Variants in OSBPL6 observed in about 807,000 individuals in gnomAD.
OSBPL6 encodes the protein oxysterol-binding protein-related protein 6.
A neutral mutation model predicts 125.8 loss-of-function variants in OSBPL6; 49 were observed. That is an observed-to-expected ratio of 0.39 (90% CI 0.31 to 0.49). OSBPL6 has a LOEUF of 0.49. Ranked by LOEUF, OSBPL6 falls within the 20% of genes least tolerant of loss-of-function variation. OSBPL6 has a pLI of 0.88. For synonymous variants in OSBPL6, 394 were observed against 391.8 expected (o/e 1.01, Z -0.07); for missense variants, 986 against 1,135.4 (o/e 0.87, Z 1.89).
chr2:178,287,104 C>T (rs1036631236), intron 2 of OSBPL6, among the ~76,000 whole-genome samples: 3 of 147,382 alleles, frequency 2.0e-5, no homozygotes, highest in African/African-American at 5.0e-5. Flanking sequence ...CTAAACTCAA[C>T]GTGGGGAAAC....
At chr2:178,366,479 A>G (rs1047876382) in intron 13 of OSBPL6, among the ~76,000 whole-genome samples, 2 of 152,296 alleles carry the variant, frequency 1.3e-5, no homozygotes, top group Non-Finnish European at 2.9e-5. Flanking sequence ...TCAAGATGCC[A>G]TCAATTATTA....
chr2:178,333,304 G>C (rs1689394185), intron 8 of OSBPL6, among the ~76,000 whole-genome samples: 1 of 152,202 alleles, frequency 6.6e-6, no homozygotes, highest in Admixed American at 6.5e-5. Flanking sequence ...AAAATTGCTT[G>C]AACCTGGGAG....
chr2:178,266,355 G>C (rs1201099945), intron 1 of OSBPL6, among the ~76,000 whole-genome samples: 1 of 152,194 alleles, frequency 6.6e-6, no homozygotes, highest in African/African-American at 2.4e-5. Flanking sequence ...ATTGCACCCA[G>C]GATGATACCT....
chr2:178,282,522 C>T (rs1026222860), intron 1 of OSBPL6, among the ~76,000 whole-genome samples: 1 of 152,198 alleles, frequency 6.6e-6, no homozygotes, highest in Admixed American at 6.5e-5. Context: ...AAAAGAGCTG[C>T]AGGATAGCAC....
intron 1 of OSBPL6, among the ~76,000 whole-genome samples, chr2:178,234,562 A>G (rs1027940510): frequency 2.0e-5 from 3 of 152,236 alleles, no homozygotes; most frequent in African/African-American, 7.2e-5. Flanking sequence ...ATAGTACAGT[A>G]TCAAAACCCT....
intron 1 of OSBPL6, among the ~76,000 whole-genome samples, chr2:178,243,988 C>T (rs1385500440): frequency 6.6e-6 from 1 of 152,158 alleles, no homozygotes; most frequent in Non-Finnish European, 1.5e-5. Flanking sequence ...GATCCTTTTT[C>T]TGCTCTGTTT....
chr2:178,209,606 A>G (rs560243352), intron 1 of OSBPL6, among the ~76,000 whole-genome samples: 1 of 151,430 alleles, frequency 6.6e-6, no homozygotes, highest in South Asian at 2.1e-4. Context: ...TTCATGTTTG[A>G]GTTTTTCCTC....
intron 1 of OSBPL6, among the ~76,000 whole-genome samples, chr2:178,229,846 A>G (rs1274050190): frequency 6.6e-6 from 1 of 152,220 alleles, no homozygotes; most frequent in Admixed American, 6.5e-5. Flanking sequence ...AAAAGGAAAG[A>G]AAAAGAAAAA....
At chr2:178,263,410 G>A (rs908073403) in intron 1 of OSBPL6, among the ~76,000 whole-genome samples, 15 of 152,196 alleles carry the variant, frequency 9.9e-5, no homozygotes, top group African/African-American at 2.2e-4. Context: ...CCTGGAAGGC[G>A]GAGGTTGCAG....
chr2:178,317,087 T>G (rs941140569), intron 3 of OSBPL6, among the ~76,000 whole-genome samples: 3 of 152,106 alleles, frequency 2.0e-5, no homozygotes, highest in African/African-American at 7.2e-5. Context: ...CCCCCAAAAT[T>G]TCTGCAAAGA....
At chr2:178,227,606 A>C (rs1383675862) in intron 1 of OSBPL6, among the ~76,000 whole-genome samples, 1 of 152,238 alleles carries the variant, frequency 6.6e-6, no homozygotes, top group Non-Finnish European at 1.5e-5. Flanking sequence ...AATGGAATAC[A>C]TGCCAAAATC....
intron 15 of OSBPL6, among the ~76,000 whole-genome samples, chr2:178,380,409 A>T (rs1694352564): frequency 7.7e-6 from 1 of 129,212 alleles, no homozygotes; most frequent in South Asian, 2.8e-4. Context: ...GTGAGCTGTG[A>T]TGGTACCACT....
chr2:178,383,267 A>C lies in OSBPL6; in HGVS notation c.1865A>C (p.Tyr622Ser), dbSNP rs1400818333. The change falls in exon 17 of 25, where the codon TAT becomes TCT. Residue 622 changes from tyrosine to serine, a missense_variant. Transcript: ENST00000190611. ...AAGGCTTCGGAAACTGATGATCCAT[A>C]TGAGCGCATGGTAATAAATAACTAA... is the stretch of plus-strand genomic sequence containing the variant. ...LDKASETDDPYERMVLVAAFA... is the reference protein window; with the variant it reads ...LDKASETDDPSERMVLVAAFA... The C allele has an allele frequency of 6.2e-7, 1 of 1,614,070 alleles. No individual in the cohort carries two copies. The highest frequency in any genetic ancestry group is 1.1e-5 in the South Asian group (1 of 91,076).
At chr2:178,254,105 T>G (rs1457599478) in intron 1 of OSBPL6, among the ~76,000 whole-genome samples, 1 of 152,058 alleles carries the variant, frequency 6.6e-6, no homozygotes. Context: ...AAGAAATAAA[T>G]TCCTTTGGCC....
intron 19 of OSBPL6, 101 bp from the exon 20 acceptor site, chr2:178,386,960 T>C (rs1449748355): frequency 1.6e-6 from 1 of 642,130 alleles, no homozygotes; most frequent in African/African-American, 1.9e-5. Context: ...TCAGTTGTCA[T>C]TCCAAAGTGT....
At chr2:178,226,696 A>G (rs1023091498) in intron 1 of OSBPL6, among the ~76,000 whole-genome samples, 1 of 152,206 alleles carries the variant, frequency 6.6e-6, no homozygotes, top group Non-Finnish European at 1.5e-5. Flanking sequence ...GCTTCATACT[A>G]TATACAAAAA....
Position 178,265,191 on chromosome 2 carries a change from C to CTTTTTTTTTTTT in OSBPL6, c.-350-19709_-350-19698dup, listed in dbSNP as rs376718500. Reference sequence around the variant, plus strand: ...GTCACTTCCCCTGGCCCAGACGAGACTTTTTTTTTTTTTTTTTTTTTTTTT... The same window carrying CTTTTTTTTTTTT: ...GTCACTTCCCCTGGCCCAGACGAGACTTTTTTTTTTTTTTTTTTTTTTTTTTTTTTTTTTTTT... On this transcript the variant is annotated intron_variant, in intron 1 of 24. Transcript: ENST00000190611. Among the ~76,000 whole-genome samples the CTTTTTTTTTTTT allele has an allele frequency of 1.5e-4, 5 of 33,730 alleles. 1 individual carries two copies. Among genetic ancestry groups the CTTTTTTTTTTTT allele is most frequent in the Non-Finnish European group, 2.6e-4 (4 of 15,222 alleles). The allele number at this position is 33,730 out of a possible 152,430, so 22.1% of individuals were successfully genotyped here. A position where few individuals can be genotyped will look rare whatever the true frequency, so the allele number is the denominator to read the frequency against.
intron 5 of OSBPL6, among the ~76,000 whole-genome samples, chr2:178,329,874 A>G (rs1689045085): frequency 6.6e-6 from 1 of 152,228 alleles, no homozygotes; most frequent in South Asian, 2.1e-4. Flanking sequence ...GGCTCAGTGC[A>G]GGGAGGTTAT....
chr2:178,252,127 A>T (rs1422986704), intron 1 of OSBPL6, among the ~76,000 whole-genome samples: 1 of 68,968 alleles, frequency 1.4e-5, no homozygotes, highest in African/African-American at 1.1e-4. Context: ...GTTGCCAAAA[A>T]GGTATAAAAA....
Sources: allele counts gnomAD v4.1 joint callset (sites outside exome capture counted in the v4.1 genomes callset), GRCh38; gene constraint gnomAD v4.1.1; transcripts MANE v1.5; gene names NCBI Gene and HGNC (gene_info 2026-07-23, HGNC 2026-07-21).